NRG3: variants seen among roughly 807,000 people sequenced by gnomAD.
NRG3 encodes pro-neuregulin-3, membrane-bound isoform.
In NRG3, 31 loss-of-function variants were observed where a neutral mutation model predicts 66.9. The observed-to-expected ratio is 0.46, with a 90% CI of 0.35 to 0.63. NRG3 has a LOEUF of 0.63. Among genes scored for constraint, NRG3 ranks in the 20% least tolerant of loss-of-function variants. NRG3 has a pLI of 0.00. For synonymous variants in NRG3, 393 were observed against 359.4 expected (o/e 1.09, Z -1.06); for missense variants, 910 against 878.9 (o/e 1.04, Z -0.45).
At chr10:82,899,797 ATCC>A (rs1253437622) in intron 4 of NRG3, among the ~76,000 whole-genome samples, 1 of 152,226 alleles carries the variant, frequency 6.6e-6, no homozygotes, top group Admixed American at 6.5e-5. Context: ...TAAATTAGAC[ATCC>A]TCAAGTACTA....
chr10:82,506,040 G>T (rs999523673), intron 2 of NRG3, among the ~76,000 whole-genome samples: 1 of 152,078 alleles, frequency 6.6e-6, no homozygotes, highest in Non-Finnish European at 1.5e-5. Context: ...AATGTCAGGA[G>T]ACTGAGACCA....
chr10:82,345,431 T>A (rs927675113), intron 1 of NRG3, among the ~76,000 whole-genome samples: 2 of 151,978 alleles, frequency 1.3e-5, no homozygotes, highest in Non-Finnish European at 1.5e-5. Context: ...ATATCTCTGT[T>A]TTGGTACCAG....
intron 1 of NRG3, among the ~76,000 whole-genome samples, chr10:82,026,957 A>G (rs569519017): frequency 6.6e-6 from 1 of 152,138 alleles, no homozygotes; most frequent in South Asian, 2.1e-4. Context: ...AATGATAATA[A>G]TGCTCTAATC....
At chr10:82,367,080 C>T (rs1205966225) in intron 2 of NRG3, among the ~76,000 whole-genome samples, 2 of 152,098 alleles carry the variant, frequency 1.3e-5, no homozygotes, top group East Asian at 3.9e-4. Flanking sequence ...TAGCTGCTCT[C>T]CTTTGTAAGT....
intron 3 of NRG3, among the ~76,000 whole-genome samples, chr10:82,833,767 T>A (rs1344405960): frequency 1.3e-5 from 2 of 152,184 alleles, no homozygotes; most frequent in Non-Finnish European, 2.9e-5. Flanking sequence ...TTTTTCAGAA[T>A]CTTCCATGTT....
chr10:82,464,345 A>G (rs1178524974), intron 2 of NRG3, among the ~76,000 whole-genome samples: 1 of 152,224 alleles, frequency 6.6e-6, no homozygotes, highest in African/African-American at 2.4e-5. Flanking sequence ...ACACTAAGTG[A>G]TAATTATAGA....
intron 2 of NRG3, among the ~76,000 whole-genome samples, chr10:82,734,806 C>G (rs2058075482): frequency 6.6e-6 from 1 of 151,930 alleles, no homozygotes; most frequent in Non-Finnish European, 1.5e-5. Context: ...TTGCTTGAGG[C>G]CAGGAATTTG....
intron 3 of NRG3, among the ~76,000 whole-genome samples, chr10:82,750,691 T>C (rs953074981): frequency 6.6e-6 from 1 of 152,176 alleles, no homozygotes; most frequent in Non-Finnish European, 1.5e-5. Flanking sequence ...TTAATTCACC[T>C]ACAAAAATAA....
chr10:82,552,943 T>C (rs1457534692), intron 2 of NRG3, among the ~76,000 whole-genome samples: 3 of 152,072 alleles, frequency 2.0e-5, no homozygotes, highest in Admixed American at 2.0e-4. Flanking sequence ...TTGGAGATAG[T>C]TGACAATGTA....
At chr10:82,159,406 G>T (rs2071411530) in intron 1 of NRG3, among the ~76,000 whole-genome samples, 1 of 151,594 alleles carries the variant, frequency 6.6e-6, no homozygotes, top group Non-Finnish European at 1.5e-5. Flanking sequence ...TAAAAATGTT[G>T]CTTTCCCTGT....
intron 3 of NRG3, among the ~76,000 whole-genome samples, chr10:82,761,322 T>C (rs1278469024): frequency 6.6e-6 from 1 of 152,014 alleles, no homozygotes; most frequent in Non-Finnish European, 1.5e-5. Flanking sequence ...AAGTAATATC[T>C]TCAAGAAAAT....
chr10:82,453,231 AATTT>A (rs984225210), intron 2 of NRG3, among the ~76,000 whole-genome samples: 2 of 152,152 alleles, frequency 1.3e-5, no homozygotes, highest in African/African-American at 4.8e-5. Flanking sequence ...ATATGAGTAA[AATTT>A]ATTTATTTAT....
intron 2 of NRG3, among the ~76,000 whole-genome samples, chr10:82,556,852 C>T (rs529010525): frequency 5.9e-5 from 9 of 152,216 alleles, no homozygotes; most frequent in African/African-American, 2.2e-4. Context: ...TTCCTAAGTT[C>T]TCATCATCTA....
At chr10:82,957,523 C>T (rs988265523) in intron 5 of NRG3, among the ~76,000 whole-genome samples, 5 of 151,760 alleles carry the variant, frequency 3.3e-5, no homozygotes, top group African/African-American at 7.3e-5. Context: ...CAAATAGAGC[C>T]GGAGAAGGAC....
At chr10:82,146,737 G>T (rs1468874629) in intron 1 of NRG3, among the ~76,000 whole-genome samples, 1 of 152,126 alleles carries the variant, frequency 6.6e-6, no homozygotes, top group South Asian at 2.1e-4. Flanking sequence ...CCCATTACCT[G>T]TCTGGCCTAA....
chr10:82,856,064 G>A (rs1290707370), intron 3 of NRG3, among the ~76,000 whole-genome samples: 3 of 152,128 alleles, frequency 2.0e-5, no homozygotes, highest in Non-Finnish European at 2.9e-5. Flanking sequence ...TGTGGATATC[G>A]TTTTTCAATA....
intron 1 of NRG3, among the ~76,000 whole-genome samples, chr10:82,357,775 G>T (rs976916644): frequency 6.6e-6 from 1 of 152,170 alleles, no homozygotes; most frequent in Non-Finnish European, 1.5e-5. Context: ...CATGGAATTT[G>T]GGAGACACAT....
At position 82,370,514 on chromosome 10, in the gene NRG3, C is replaced by T. The variant is rs2135729649; in HGVS notation, c.953+11646C>T. ...GAAAGCCAAAAGGCAACTTTTTGGG[C>T]ATGAAAACAGAAATGCCTATTCTTA... On this transcript the variant is annotated intron_variant, in intron 2 of 8. Coordinates refer to ENST00000372141, the MANE Select transcript of NRG3 (RefSeq NM_001010848.4). Among the ~76,000 whole-genome samples the T allele has an allele frequency of 1.4e-5, 2 of 139,846 alleles. 1 individual carries two copies. Among genetic ancestry groups the T allele is most frequent in the South Asian group, 4.3e-4 (2 of 4,696 alleles). 91.7% of individuals were successfully genotyped at this position (139,846 alleles called of 152,430 possible).
At chr10:82,047,861 A>T (rs937999077) in intron 1 of NRG3, among the ~76,000 whole-genome samples, 8 of 152,132 alleles carry the variant, frequency 5.3e-5, no homozygotes, top group Admixed American at 2.0e-4. Context: ...CCCATCTCAC[A>T]TGCAGAGACG....
Sources: allele counts gnomAD v4.1 joint callset (sites outside exome capture counted in the v4.1 genomes callset), GRCh38; gene constraint gnomAD v4.1.1; transcripts MANE v1.5; gene names NCBI Gene and HGNC (gene_info 2026-07-23, HGNC 2026-07-21).